The following ZSWIM5 variants were observed in gnomAD, a reference collection of about 807,000 sequenced individuals.
The protein encoded by ZSWIM5 is zinc finger SWIM domain-containing protein 5.
ZSWIM5 carries 55 observed loss-of-function variants against 119.6 expected under a neutral mutation model. The observed-to-expected ratio is 0.46, with a 90% CI of 0.37 to 0.58. The LOEUF (loss-of-function observed/expected upper bound fraction) is 0.58, where lower values mean the gene tolerates loss of function less well. Among genes scored for constraint, ZSWIM5 ranks in the 20% least tolerant of loss-of-function variants. The probability of loss-of-function intolerance (pLI) is 0.00; values close to 1 mark genes in which losing one functional copy is unlikely to be tolerated. For synonymous variants in ZSWIM5, 537 were observed against 606.9 expected (o/e 0.88, Z 1.69); for missense variants, 1,193 against 1,512.8 (o/e 0.79, Z 3.51).
chr1:45,138,246 G>A (rs1570139955), intron 1 of ZSWIM5, among the ~76,000 whole-genome samples: 1 of 152,046 alleles, frequency 6.6e-6, no homozygotes, highest in South Asian at 2.1e-4. Context: ...GCTCACACCT[G>A]TAATCCCAGC....
chr1:45,066,714 A>C (rs1366503470), intron 2 of ZSWIM5, among the ~76,000 whole-genome samples: 1 of 152,170 alleles, frequency 6.6e-6, no homozygotes, highest in East Asian at 1.9e-4. Context: ...AGAAATTTGG[A>C]CTCGATCCTA....
chr1:45,134,259 C>T (rs1645676596), intron 1 of ZSWIM5, among the ~76,000 whole-genome samples: 1 of 151,852 alleles, frequency 6.6e-6, no homozygotes, highest in Non-Finnish European at 1.5e-5. Context: ...TGCTTTTTGC[C>T]TAGAAGCAAA....
intron 1 of ZSWIM5, among the ~76,000 whole-genome samples, chr1:45,117,004 A>G (rs142700540): frequency 6.6e-6 from 1 of 152,364 alleles, no homozygotes; most frequent in East Asian, 1.9e-4. Context: ...TAAACTTTGA[A>G]GAATTCAAGG....
At chr1:45,084,439 C>T (rs1557760307) in intron 2 of ZSWIM5, among the ~76,000 whole-genome samples, 2 of 152,152 alleles carry the variant, frequency 1.3e-5, no homozygotes, top group Admixed American at 6.5e-5. Context: ...ATACAATCAC[C>T]CTTCTCAACA....
At chr1:45,180,910 C>T (rs1307292683) in intron 1 of ZSWIM5, among the ~76,000 whole-genome samples, 1 of 152,034 alleles carries the variant, frequency 6.6e-6, no homozygotes, top group Non-Finnish European at 1.5e-5. Context: ...ACAGAAAGGA[C>T]ATCCACACCA....
chr1:45,058,578 C>T, intron 4 of ZSWIM5, 31 bp downstream of exon 4: 3 of 1,613,414 alleles, frequency 1.9e-6, no homozygotes, highest in Non-Finnish European at 2.5e-6. Context: ...GATGGTAGAA[C>T]AAAGCACTTC....
intron 1 of ZSWIM5, among the ~76,000 whole-genome samples, chr1:45,174,508 G>T (rs755905711): frequency 6.6e-6 from 1 of 151,284 alleles, no homozygotes; most frequent in Non-Finnish European, 1.5e-5. Context: ...CGAGGTGGGC[G>T]GATCACTTTA....
chr1:45,171,961 T>C (rs980664577), intron 1 of ZSWIM5, among the ~76,000 whole-genome samples: 1 of 152,140 alleles, frequency 6.6e-6, no homozygotes, highest in Non-Finnish European at 1.5e-5. Context: ...ATTCAAGTTA[T>C]ACTTCATATT....
In ZSWIM5 at chr1:45,064,765, A is replaced by G. The variant is rs372282706; in HGVS notation, c.953-4518T>C. Among the ~76,000 whole-genome samples the G allele has an allele frequency of 2.6e-5, 4 of 152,306 alleles. No homozygotes were observed. In the East Asian group the frequency reaches 5.8e-4, roughly 22 times the overall value. ...TCTATGAGGCCATATTATTCTCCTAATTTTAAAATGAAGAAACTAAAGTTT... is the reference window on the plus strand; with the variant it reads ...TCTATGAGGCCATATTATTCTCCTAGTTTTAAAATGAAGAAACTAAAGTTT... On this transcript the variant is annotated intron_variant, in intron 2 of 13. Coordinates refer to ENST00000359600, the MANE Select transcript of ZSWIM5 (RefSeq NM_020883.2).
At chr1:45,203,970 T>A (rs1040721655) in intron 1 of ZSWIM5, among the ~76,000 whole-genome samples, 8 of 152,116 alleles carry the variant, frequency 5.3e-5, no homozygotes, top group Non-Finnish European at 1.0e-4. Context: ...TTTGTTTATA[T>A]GTGTCTTCTG....
At chr1:45,112,340 A>G (rs75707739) in intron 1 of ZSWIM5, among the ~76,000 whole-genome samples, 3,138 of 152,254 alleles carry the variant, frequency 0.021, 117 homozygotes, top group African/African-American at 0.072. Flanking sequence ...TGTGATCTTC[A>G]GCAGGTTACA....
intron 3 of ZSWIM5, 58 bp downstream of exon 3, chr1:45,060,041 A>C: frequency 6.3e-7 from 1 of 1,594,066 alleles, no homozygotes; most frequent in Non-Finnish European, 8.6e-7. Flanking sequence ...TGGTGTGCCC[A>C]GTCTGACTTA....
At position 45,134,611 on chromosome 1, in the gene ZSWIM5, G is replaced by A. The variant is rs965540242; in HGVS notation, c.596-46374C>T. 3.3e-5 allele frequency among the ~76,000 whole-genome samples: 5 copies of A among 152,164 alleles called. 1 individual carries two copies. The South Asian group carries it at 1.0e-3, about 31-fold the overall frequency. On this transcript the variant is annotated intron_variant, in intron 1 of 13. Transcript: ENST00000359600. ...TCCAGACTGGAAAAAGCAGCAGAGGGTAATCCCAGGAAAACAGTGCATATG... is the reference window on the plus strand; with the variant it reads ...TCCAGACTGGAAAAAGCAGCAGAGGATAATCCCAGGAAAACAGTGCATATG...
At position 45,018,038 on chromosome 1, in the gene ZSWIM5, A is replaced by G. The variant is rs779946656; in HGVS notation, c.*416T>C. ...CCATCAAATCAGAAGCAGAATTATA[A>G]ATAGTTACAAGTTTACAATAATTAG... On this transcript the variant is annotated 3_prime_UTR_variant, in exon 14 of 14. Transcript: ENST00000359600. The surrounding 1 kb of genome is among the most constrained non-coding windows in gnomAD (Gnocchi z 6.7). 10 of 178,918 alleles carry G rather than the reference A, an allele frequency of 5.6e-5. No homozygotes were observed. The highest frequency in any genetic ancestry group is 1.1e-4 in the Non-Finnish European group (9 of 83,708). The allele number at this position is 178,918 out of a possible 1,614,324, so 11.1% of individuals were successfully genotyped here.
intron 1 of ZSWIM5, among the ~76,000 whole-genome samples, chr1:45,091,935 TA>T (rs879323930): frequency 3.2e-4 from 46 of 144,532 alleles, no homozygotes; most frequent in African/African-American, 4.8e-4. Context: ...CACTATGTTA[TA>T]AAAAAAAAAA....
At chr1:45,061,409 C>T (rs1645151411) in intron 2 of ZSWIM5, among the ~76,000 whole-genome samples, 1 of 148,170 alleles carries the variant, frequency 6.7e-6, no homozygotes, top group Non-Finnish European at 1.5e-5. Context: ...CTCACTCTGT[C>T]ATCCAGGTTG....
intron 5 of ZSWIM5, among the ~76,000 whole-genome samples, chr1:45,047,331 G>C (rs528719624): frequency 1.4e-4 from 22 of 152,248 alleles, no homozygotes; most frequent in African/African-American, 5.1e-4. Flanking sequence ...TACAAGAGCT[G>C]TTTCAGTAAT....
chr1:45,201,868 T>C (rs1646160159), intron 1 of ZSWIM5, among the ~76,000 whole-genome samples: 1 of 152,190 alleles, frequency 6.6e-6, no homozygotes, highest in African/African-American at 2.4e-5. Flanking sequence ...TCTGGAGTTT[T>C]CCCCATATAT....
chr1:45,043,455 G>C, intron 5 of ZSWIM5, 60 bp from the exon 6 acceptor site: 1 of 1,558,424 alleles, frequency 6.4e-7, no homozygotes, highest in Admixed American at 1.7e-5. Flanking sequence ...TTAAGCCCTG[G>C]GTCTTCTTCA....
Sources: gnomAD v4.1 joint callset for allele counts (sites outside exome capture counted in the v4.1 genomes callset) on GRCh38, gnomAD v4.1.1 for gene constraint, Gnocchi (gnomAD v3.1) non-coding constraint, MANE v1.5 for transcripts, NCBI Gene and HGNC (gene_info 2026-07-23, HGNC 2026-07-21) for gene names.